LRP1B: variants seen among roughly 807,000 people sequenced by gnomAD.
LRP1B encodes low-density lipoprotein receptor-related protein 1B.
LRP1B carries 217 observed loss-of-function variants against 556.6 expected under a neutral mutation model. The ratio of observed to expected loss-of-function variants is 0.39; its 90% CI spans 0.35 to 0.44. The LOEUF is 0.44. Among genes scored for constraint, LRP1B ranks in the 20% least tolerant of loss-of-function variants. The pLI is 1.00. For synonymous variants in LRP1B, 2,047 were observed against 1,865.8 expected (o/e 1.10, Z -2.50); for missense variants, 5,053 against 5,620.8 (o/e 0.90, Z 3.23).
intron 1 of LRP1B, among the ~76,000 whole-genome samples, chr2:142,086,333 T>C (rs986463406): frequency 1.3e-5 from 2 of 152,206 alleles, no homozygotes; most frequent in Non-Finnish European, 2.9e-5. Flanking sequence ...AGTTAGTCTC[T>C]TAAAAAACGG....
At chr2:140,895,474 G>A (rs564875071) in intron 23 of LRP1B, among the ~76,000 whole-genome samples, 2 of 151,376 alleles carry the variant, frequency 1.3e-5, no homozygotes, top group African/African-American at 2.5e-5. Context: ...GTGAGTGCTC[G>A]CAGGGGCCAG....
intron 1 of LRP1B, among the ~76,000 whole-genome samples, chr2:142,095,688 C>T (rs1706334889): frequency 6.6e-6 from 1 of 151,586 alleles, no homozygotes; most frequent in African/African-American, 2.4e-5. Flanking sequence ...TAAGAAAATA[C>T]CTTTTTCAAC....
In LRP1B at chr2:141,699,465, A is replaced by C. The variant is rs916177949; in HGVS notation, c.205+110814T>G. ...ATGACTAATCACTCCAAGGGCACAA[A>C]AGGAGAGTCAGGATTACAATTTTGA... On this transcript the variant is annotated intron_variant, in intron 2 of 90. Transcript: ENST00000389484. Among the ~76,000 whole-genome samples the C allele has an allele frequency of 2.0e-5, 3 of 151,822 alleles. No homozygotes were observed. The Admixed American group carries it at 2.0e-4, about 10-fold the overall frequency.
intron 2 of LRP1B, among the ~76,000 whole-genome samples, chr2:141,662,998 C>T (rs1174258622): frequency 6.6e-6 from 1 of 151,820 alleles, no homozygotes; most frequent in African/African-American, 2.4e-5. Flanking sequence ...TCTTAGACCA[C>T]AGTGCAATCA....
At chr2:141,719,145 A>G (rs921811315) in intron 2 of LRP1B, among the ~76,000 whole-genome samples, 6 of 152,132 alleles carry the variant, frequency 3.9e-5, no homozygotes, top group Admixed American at 2.0e-4. Context: ...AGGCATTACT[A>G]TCATCTCTAA....
chr2:141,513,619 A>G (rs1407478362), intron 2 of LRP1B, among the ~76,000 whole-genome samples: 1 of 152,150 alleles, frequency 6.6e-6, no homozygotes, highest in Non-Finnish European at 1.5e-5. Context: ...CTAGTTATGC[A>G]AGTAGGTAAT....
intron 7 of LRP1B, among the ~76,000 whole-genome samples, chr2:141,085,858 A>ATGGTT (rs1700037219): frequency 6.6e-6 from 1 of 152,166 alleles, no homozygotes; most frequent in Non-Finnish European, 1.5e-5. Flanking sequence ...TCTTTCACCT[A>ATGGTT]TTTTAATCTA....
chr2:140,364,740 A>G lies in LRP1B; in HGVS notation c.11052T>C (p.Ser3684=), dbSNP rs1682675195. The change falls in exon 72 of 91, where the codon TCT becomes TCC. Residue 3684 remains serine, a synonymous_variant. Coordinates refer to ENST00000389484, the MANE Select transcript of LRP1B (RefSeq NM_018557.3). Reference sequence around the variant, plus strand: ...ACACCCAGAAATGTAGTTTGCAGAGAGAATTATTGCAAAGGAACTCATCAG... The same window carrying G: ...ACACCCAGAAATGTAGTTTGCAGAGGGAATTATTGCAAAGGAACTCATCAG... The part of the protein sequence containing the change: ...CRADEFLCNN[S]LCKLHFWVCD... 6.2e-7 allele frequency: 1 copy of G among 1,610,266 alleles called. No individual in the cohort carries two copies. Among genetic ancestry groups the G allele is most frequent in the Admixed American group, 1.7e-5 (1 of 59,730 alleles).
At chr2:141,045,338 T>C (rs1698837298) in intron 11 of LRP1B, among the ~76,000 whole-genome samples, 1 of 150,622 alleles carries the variant, frequency 6.6e-6, no homozygotes, top group African/African-American at 2.4e-5. Flanking sequence ...AGATAGTGGG[T>C]GCAGCGCACC....
chr2:141,676,242 G>A (rs1036546946), intron 2 of LRP1B, among the ~76,000 whole-genome samples: 3 of 152,014 alleles, frequency 2.0e-5, no homozygotes, highest in African/African-American at 7.2e-5. Flanking sequence ...TCTGATTCAT[G>A]TTTGTATCCC....
chr2:140,701,595 A>G, intron 40 of LRP1B, 126 bp downstream of exon 40: 1 of 873,650 alleles, frequency 1.1e-6, no homozygotes, highest in Admixed American at 2.8e-5. Context: ...GCAGGAAATT[A>G]GATGTAAAGA....
intron 1 of LRP1B, among the ~76,000 whole-genome samples, chr2:142,028,750 C>A (rs1404309124): frequency 6.6e-6 from 1 of 151,890 alleles, no homozygotes; most frequent in Admixed American, 6.6e-5. Flanking sequence ...AACTATTTTC[C>A]AAAGTGGCTG....
intron 41 of LRP1B, among the ~76,000 whole-genome samples, chr2:140,688,052 C>T (rs1559055532): frequency 6.6e-6 from 1 of 152,040 alleles, no homozygotes; most frequent in African/African-American, 2.4e-5. Flanking sequence ...AAAAATGCTG[C>T]TTCTAATCCT....
At chr2:141,390,268 G>T (rs1367759337) in intron 3 of LRP1B, among the ~76,000 whole-genome samples, 1 of 152,006 alleles carries the variant, frequency 6.6e-6, no homozygotes, top group East Asian at 1.9e-4. Flanking sequence ...TCCTACAAAG[G>T]CTATATTAAT....
chr2:140,513,452 A>G (rs1689749467), intron 51 of LRP1B, among the ~76,000 whole-genome samples: 1 of 151,942 alleles, frequency 6.6e-6, no homozygotes, highest in Non-Finnish European at 1.5e-5. Flanking sequence ...TATTTTTAAA[A>G]GTAATAGCAA....
At chr2:140,804,521 T>C (rs150962052) in intron 32 of LRP1B, among the ~76,000 whole-genome samples, 23 of 152,192 alleles carry the variant, frequency 1.5e-4, no homozygotes, top group African/African-American at 5.5e-4. Context: ...AGATTTTTAC[T>C]TTTAAAGTTC....
At chr2:140,752,540 G>T (rs1436794739) in intron 35 of LRP1B, among the ~76,000 whole-genome samples, 1 of 151,938 alleles carries the variant, frequency 6.6e-6, no homozygotes, top group Non-Finnish European at 1.5e-5. Context: ...GGCCAGGCTG[G>T]TCTCAAATTC....
intron 2 of LRP1B, among the ~76,000 whole-genome samples, chr2:141,490,226 A>AT (rs1335561726): frequency 6.6e-6 from 1 of 152,120 alleles, no homozygotes; most frequent in African/African-American, 2.4e-5. Context: ...AACATGCCTG[A>AT]TCACCTAAAA....
chr2:140,858,787 A>G (rs1178038783), intron 27 of LRP1B, among the ~76,000 whole-genome samples: 2 of 151,472 alleles, frequency 1.3e-5, no homozygotes, highest in Non-Finnish European at 2.9e-5. Flanking sequence ...CCATGTGTCC[A>G]TGTGTTCTCA....
Sources: allele counts gnomAD v4.1 joint callset (sites outside exome capture counted in the v4.1 genomes callset), GRCh38; gene constraint gnomAD v4.1.1; transcripts MANE v1.5; gene names NCBI Gene and HGNC (gene_info 2026-07-23, HGNC 2026-07-21).